The following ACRBP variants were observed in gnomAD, a reference collection of about 807,000 sequenced individuals.
ACRBP encodes the protein acrosin-binding protein.
Under a neutral mutation model 69.0 loss-of-function variants are expected in ACRBP, and 52 were observed. That is an observed-to-expected ratio of 0.75 (90% confidence interval 0.60 to 0.95). ACRBP has a LOEUF of 0.95. Among genes scored for constraint, ACRBP ranks in the 40% least tolerant of loss-of-function variants. ACRBP has a pLI of 0.00. For synonymous variants in ACRBP, 267 were observed against 258.9 expected, an observed-to-expected ratio of 1.03 and a Z score of -0.30; for missense variants, 604 against 673.0, an observed-to-expected ratio of 0.90 and a Z score of 1.13.
chr12:6,647,024 G>T lies in ACRBP; in HGVS notation c.44-12C>A. The T allele has an allele frequency of 6.2e-7, 1 of 1,605,534 alleles. No homozygotes were observed. ...AGGCAGGAGCAGCACTGCGGAGCGG[G>T]CGAACGGATGATGGAAGGACCGAAC... is the stretch of plus-strand genomic sequence containing the variant. On this transcript the variant is annotated splice_polypyrimidine_tract_variant and intron_variant, in intron 1 of 9. Transcript: ENST00000229243.
In ACRBP at chr12:6,646,912, T is replaced by A; in HGVS notation, c.144A>T (p.Ala48=). The change falls in exon 2 of 10, where the codon GCA becomes GCT. Residue 48 remains alanine, a synonymous_variant. Coordinates refer to ENST00000229243, the MANE Select transcript of ACRBP (RefSeq NM_032489.3). ...CTGCCTTCCAGGTTGGAGTCAGCAG[T>A]GCGAAGAAGCGTTCGTATTCGGTAG... ...LSPTEYERFF[A]LLTPTWKAET... is the part of the protein sequence containing the mutation. 1 of 1,613,988 alleles carries A rather than the reference T, an allele frequency of 6.2e-7. No individual in the cohort carries two copies. The highest frequency in any genetic ancestry group is 8.5e-7 in the Non-Finnish European group (1 of 1,179,992).
At chr12:6,644,682 A>G in intron 4 of ACRBP, 77 bp from the exon 5 acceptor site, 4 of 1,516,046 alleles carry the variant, frequency 2.6e-6, no homozygotes, top group South Asian at 1.3e-5. Flanking sequence ...ACAGAGGGAC[A>G]CACACATAAA....
At chr12:6,641,280 C>T (rs1324508148) in intron 6 of ACRBP, among the ~76,000 whole-genome samples, 3 of 152,350 alleles carry the variant, frequency 2.0e-5, no homozygotes, top group East Asian at 3.9e-4. Flanking sequence ...TCGTACTAAG[C>T]AGTATCTTTA....
rs1417446786 is a variant in ACRBP, at chr12:6,638,986, G to C, written c.1477C>G (p.Gln493Glu). Residue 493 changes from glutamine to glutamate, a missense_variant, in exon 9 of 10, where the codon CAG (glutamine) becomes GAG (glutamate). Gln to Glu is a conservative substitution (Grantham distance 29). Around this residue, in one of 3 missense-constraint regions of ACRBP, gnomAD observed 21 missense variants for 50.0 expected, o/e 0.42. Transcript: ENST00000229243. ...TTGCGGTTTCTCATCAGACACTGCT[G>C]GCTTTTGAAGGAACAGTAGTTTGGG... ...QYPNYCSFKSQQCLMRNRNRK... is the reference protein window; with the variant it reads ...QYPNYCSFKSEQCLMRNRNRK... 1.2e-6 allele frequency: 2 copies of C among 1,614,066 alleles called. No homozygotes were observed. The highest frequency in any genetic ancestry group is 1.7e-6 in the Non-Finnish European group (2 of 1,180,032).
intron 6 of ACRBP, among the ~76,000 whole-genome samples, chr12:6,642,375 C>T (rs1949059253): frequency 6.6e-6 from 1 of 152,092 alleles, no homozygotes; most frequent in Non-Finnish European, 1.5e-5. Flanking sequence ...GTGTGAAACC[C>T]TTAAGTCTTT....
In ACRBP at chr12:6,640,032, G is replaced by A. The variant is rs76099317; in HGVS notation, c.1425+28C>T. ...AAGGAATGGGGTGAGGGTAGGGATG[G>A]GGCTGAGCTTTGGGGAAAGGTTCTA... On this transcript the variant is annotated intron_variant, in intron 8 of 9. Coordinates refer to ENST00000229243, the MANE Select transcript of ACRBP (RefSeq NM_032489.3). This position sits in a 1 kb window ranked among gnomAD's most constrained non-coding sequence, Gnocchi z 5.3. 1,577 of 1,613,004 alleles carry A rather than the reference G, an allele frequency of 9.8e-4. 14 individuals carry two copies. The African/African-American group carries it at 0.019, about 19-fold the overall frequency.
chr12:6,638,299 G>A lies in ACRBP; in HGVS notation c.1615C>T (p.Leu539=). Residue 539 remains leucine, a synonymous_variant, in exon 10 of 10, where the codon CTA becomes TTA. Transcript: ENST00000229243. Reference sequence around the variant, plus strand: ...ACGCCAGCTCATCCGAACTGGCCTAGAGTCAAGGTGCTGAACTCCTGGCTC... The same window carrying A: ...ACGCCAGCTCATCCGAACTGGCCTAAAGTCAAGGTGCTGAACTCCTGGCTC... ...RWSQEFSTLT[L]GQFG 1 of 1,614,172 alleles carries A rather than the reference G, an allele frequency of 6.2e-7. No homozygotes were observed. Among genetic ancestry groups the A allele is most frequent in the Non-Finnish European group, 8.5e-7 (1 of 1,180,036 alleles).
intron 6 of ACRBP, among the ~76,000 whole-genome samples, chr12:6,641,923 A>G (rs757696144): frequency 2.8e-4 from 43 of 152,178 alleles, no homozygotes; most frequent in Non-Finnish European, 5.3e-4. Context: ...TCTTTGCATC[A>G]TAGCCTTTGC....
Position 6,640,357 on chromosome 12 carries a change from A to C in ACRBP, c.1243T>G (p.Ser415Ala), listed in dbSNP as rs1949044148. ...VSPLLASQSLSIGNQVGSPES... is the reference protein window; with the variant it reads ...VSPLLASQSLAIGNQVGSPES... The stretch of plus-strand genomic sequence containing the variant: ...GGGCTAGATACCTGGTTGCCGATGG[A>C]CAGGCTCTGGGAGGCAAGCAAGGGG... Residue 415 changes from serine (S) to alanine (A), a missense_variant, in exon 7 of 10, where the codon TCC becomes GCC. By Grantham distance (99) the Ser-to-Ala change is moderately conservative. Around this residue, in one of 3 missense-constraint regions of ACRBP, gnomAD observed 532 missense variants for 562.9 expected, o/e 0.95. Transcript: ENST00000229243. The surrounding 1 kb of genome is among the most constrained non-coding windows in gnomAD (Gnocchi z 5.3). The C allele has an allele frequency of 7.4e-6, 12 of 1,613,610 alleles. No individual in the cohort carries two copies. The East Asian group carries it at 2.7e-4, about 36-fold the overall frequency.
intron 6 of ACRBP, 103 bp downstream of exon 6, chr12:6,643,436 C>T (rs1949066836): frequency 6.7e-7 from 1 of 1,484,656 alleles, no homozygotes; most frequent in African/African-American, 1.4e-5. Flanking sequence ...CCAGCTATGT[C>T]TCATGCTTCT....
chr12:6,641,279 G>A (rs761584998), intron 6 of ACRBP, among the ~76,000 whole-genome samples: 9 of 152,342 alleles, frequency 5.9e-5, no homozygotes, highest in South Asian at 2.1e-4. Context: ...ATCGTACTAA[G>A]CAGTATCTTT....
rs1364655666 is a variant in ACRBP at position 6,644,173 on chromosome 12, T to A, written c.908A>T (p.Asp303Val). ...TTGGTTTCTCCAGTAGGAGTTCTCA[T>A]CATATATTTCATTCATTTCATCTAT... ...QEIDEMNEIY[D>V]ENSYWRNQNP... Residue 303 changes from aspartate to valine, a missense_variant, in exon 5 of 10, where the codon GAT becomes GTT. Transcript: ENST00000229243. 2 of 1,606,786 alleles carry A rather than the reference T, an allele frequency of 1.2e-6. No homozygotes were observed. The highest frequency in any genetic ancestry group is 1.1e-5 in the South Asian group (1 of 90,586).
intron 9 of ACRBP, 193 bp from the exon 10 acceptor site, chr12:6,638,597 G>C: frequency 1.6e-5 from 19 of 1,223,942 alleles, no homozygotes; most frequent in Non-Finnish European, 2.1e-5. Flanking sequence ...CCCCTTTCAT[G>C]CAGAAACAGG....
At position 6,644,411 on chromosome 12, in the gene ACRBP, C is replaced by T; in HGVS notation, c.670G>A (p.Glu224Lys). The change falls in exon 5 of 10, where the codon GAG (glutamate) becomes AAG (lysine). Residue 224 changes from glutamate to lysine, a missense_variant. Glu to Lys is a moderately conservative substitution (Grantham distance 56, BLOSUM62 1). Around this residue, in one of 3 missense-constraint regions of ACRBP, gnomAD observed 532 missense variants for 562.9 expected, o/e 0.95. Transcript: ENST00000229243. ...EEGQKQEEQE[E>K]EQEEEGKQEE... ...TGCTTTCCCTCCTCTTCCTGTTCCTCTTCTTGCTCTTCCTGTTTCTGCCCC... is the reference window on the plus strand; with the variant it reads ...TGCTTTCCCTCCTCTTCCTGTTCCTTTTCTTGCTCTTCCTGTTTCTGCCCC... 6.2e-7 allele frequency: 1 copy of T among 1,614,080 alleles called. No individual in the cohort carries two copies. Among genetic ancestry groups the T allele is most frequent in the Non-Finnish European group, 8.5e-7 (1 of 1,180,004 alleles).
chr12:6,640,828 TG>T lies in ACRBP; in HGVS notation c.1078-307del. 2.0e-5 allele frequency among the ~76,000 whole-genome samples: 3 copies of T among 152,298 alleles called. No individual in the cohort carries two copies. The highest frequency in any genetic ancestry group is 6.8e-3 in the Middle Eastern group (2 of 294). ...CTCCAAATCCTCATTGCCAAGTGCC[TG>T]ACAGATGTCTGTGATTGGGTGATCT... is the stretch of plus-strand genomic sequence containing the variant. On this transcript the variant is annotated intron_variant, in intron 6 of 9. Transcript: ENST00000229243. The surrounding 1 kb of genome is among the most constrained non-coding windows in gnomAD (Gnocchi z 5.3).
chr12:6,640,089 T>G lies in ACRBP; in HGVS notation c.1396A>C (p.Ser466Arg). Residue 466 changes from serine (S) to arginine (R), a missense_variant, in exon 8 of 10, where the codon AGC becomes CGC. By Grantham distance (110) the Ser-to-Arg change is moderately radical. Transcript: ENST00000229243. This position sits in a 1 kb window ranked among gnomAD's most constrained non-coding sequence, Gnocchi z 5.3. The part of the protein sequence containing the change: ...VSGWLQTEFL[S>R]FQDGDFPTKI... ...GTAGGGAAATCCCCATCCTGGAAGCTAAGGAACTCAGTCTGGAGCCACCCA... is the reference window on the plus strand; with the variant it reads ...GTAGGGAAATCCCCATCCTGGAAGCGAAGGAACTCAGTCTGGAGCCACCCA... The G allele has an allele frequency of 6.2e-7, 1 of 1,614,124 alleles. No individual in the cohort carries two copies. Among genetic ancestry groups the G allele is most frequent in the Non-Finnish European group, 8.5e-7 (1 of 1,180,014 alleles).
rs1232145023 is a variant in ACRBP, at chr12:6,646,393, A to G, written c.357+90T>C. On this transcript the variant is annotated intron_variant, in intron 3 of 9. Coordinates refer to ENST00000229243, the MANE Select transcript of ACRBP (RefSeq NM_032489.3). The stretch of plus-strand genomic sequence containing the variant: ...GGCAGGGAAGGAGGAGCTAAGGATG[A>G]CTCTCCTGGAACCCTTCCTCAACTC... 2.6e-6 allele frequency: 3 copies of G among 1,163,214 alleles called. No individual in the cohort carries two copies. In the African/African-American group the frequency reaches 4.6e-5, roughly 18 times the overall value. 72.1% of individuals were successfully genotyped at this position (1,163,214 alleles called of 1,614,324 possible).
Position 6,644,460 on chromosome 12 carries a change from C to T in ACRBP, c.621G>A (p.Pro207=), listed in dbSNP as rs752397473. 23 of 1,613,860 alleles carry T rather than the reference C, an allele frequency of 1.4e-5. No individual in the cohort carries two copies. The highest frequency in any genetic ancestry group is 6.7e-5 in the Admixed American group (4 of 59,976). The change falls in exon 5 of 10, where the codon CCG becomes CCA. Residue 207 remains proline, a synonymous_variant. Transcript: ENST00000229243. ...CCTCTTCCTGCTTGTGTTCTTGTGT[C>T]GGCTCCTGCCTGTGCTCCACTCCTT... The part of the protein sequence containing the change: ...QEQGVEHRQE[P]TQEHKQEEGQ...
intron 8 of ACRBP, among the ~76,000 whole-genome samples, chr12:6,639,807 A>G (rs773497866): frequency 2.0e-5 from 3 of 152,186 alleles, no homozygotes; most frequent in African/African-American, 4.8e-5. Context: ...AGTAACTGGC[A>G]GAGTTGGGAC....
Sources: gnomAD v4.1 joint callset for allele counts (sites outside exome capture counted in the v4.1 genomes callset) on GRCh38, gnomAD v4.1.1 for gene constraint, gnomAD v4.1.1 regional missense constraint, Gnocchi (gnomAD v3.1) non-coding constraint, MANE v1.5 for transcripts, NCBI Gene and HGNC (gene_info 2026-07-23, HGNC 2026-07-21) for gene names.